IQCK: variants seen among roughly 807,000 people sequenced by gnomAD.
The protein encoded by IQCK is IQ domain-containing protein K.
Under a neutral mutation model 28.1 loss-of-function variants are expected in IQCK, and 29 were observed. That is an observed-to-expected ratio of 1.03 (90% CI 0.77 to 1.41). IQCK has a LOEUF of 1.41. IQCK is among the 40% of genes most tolerant of loss of function. IQCK has a pLI of 0.00. For missense variants in IQCK, 359 were observed against 314.7 expected (o/e 1.14, Z -1.07); for synonymous variants, 113 against 115.1 (o/e 0.98, Z 0.12).
chr16:19,839,101 A>G (rs999193678), intron 9 of IQCK, among the ~76,000 whole-genome samples: 4 of 151,248 alleles, frequency 2.6e-5, no homozygotes, highest in Non-Finnish European at 4.4e-5. Context: ...AGGTTAAATC[A>G]TTCACCTTTG....
At chr16:19,738,611 A>G (rs911599850) in intron 4 of IQCK, among the ~76,000 whole-genome samples, 1 of 152,156 alleles carries the variant, frequency 6.6e-6, no homozygotes, top group East Asian at 1.9e-4. Context: ...GAGGCTGATC[A>G]TAGCACCTGC....
intron 6 of IQCK, among the ~76,000 whole-genome samples, chr16:19,772,527 A>C (rs967957373): frequency 6.6e-6 from 1 of 152,222 alleles, no homozygotes; most frequent in Non-Finnish European, 1.5e-5. Flanking sequence ...CTTTTCAGAG[A>C]AACATGCCAA....
chr16:19,749,990 C>CA (rs1445327991), intron 4 of IQCK, among the ~76,000 whole-genome samples: 7 of 152,160 alleles, frequency 4.6e-5, no homozygotes, highest in Non-Finnish European at 2.9e-5. Flanking sequence ...AATAGGGCCT[C>CA]ATTCCACCTC....
chr16:19,736,113 T>A (rs1448345835), intron 4 of IQCK: 2 of 455,712 alleles, frequency 4.4e-6, no homozygotes, highest in Non-Finnish European at 8.8e-6. Context: ...TGGCTCTAGA[T>A]TGATTGTTCC....
intron 4 of IQCK, among the ~76,000 whole-genome samples, chr16:19,758,244 C>T (rs980028360): frequency 6.6e-6 from 1 of 152,182 alleles, no homozygotes; most frequent in African/African-American, 2.4e-5. Flanking sequence ...TCTCTTTCAG[C>T]TCCTCAGCAG....
At chr16:19,755,491 C>T (rs1424797190) in intron 4 of IQCK, among the ~76,000 whole-genome samples, 1 of 152,142 alleles carries the variant, frequency 6.6e-6, no homozygotes, top group African/African-American at 2.4e-5. Flanking sequence ...TAGAGACAAC[C>T]TTAAAGGCAG....
chr16:19,722,673 A>T lies in IQCK; in HGVS notation c.181+4186A>T, dbSNP rs1426994851. On this transcript the variant is annotated intron_variant, in intron 1 of 7. Transcript: ENST00000564186. ...ACGCCAACAACTTATCTCCATCTCCACGAATGTTACCATCGTTCACTCAGC... is the reference window on the plus strand; with the variant it reads ...ACGCCAACAACTTATCTCCATCTCCTCGAATGTTACCATCGTTCACTCAGC... Among the ~76,000 whole-genome samples, 5 of 149,086 alleles carry T rather than the reference A, an allele frequency of 3.4e-5. No individual in the cohort carries two copies. The East Asian group carries it at 9.9e-4, about 29-fold the overall frequency.
intron 4 of IQCK, among the ~76,000 whole-genome samples, chr16:19,745,184 C>CATATT (rs2054892802): frequency 6.6e-6 from 1 of 152,194 alleles, no homozygotes; most frequent in Non-Finnish European, 1.5e-5. Flanking sequence ...TTTGACCCTG[C>CATATT]TGCATCGTCT....
chr16:19,785,758 C>G (rs999373403), intron 6 of IQCK, among the ~76,000 whole-genome samples: 1 of 152,296 alleles, frequency 6.6e-6, no homozygotes, highest in East Asian at 1.9e-4. Flanking sequence ...AGGGAAACTT[C>G]TAGGGGGTAT....
chr16:19,850,248 C>G (rs1355961485), intron 9 of IQCK, among the ~76,000 whole-genome samples: 2 of 152,132 alleles, frequency 1.3e-5, no homozygotes, highest in Non-Finnish European at 2.9e-5. Context: ...GTTGTGAGAT[C>G]TTGACCCTGT....
At chr16:19,785,497 G>A (rs1314923441) in intron 6 of IQCK, among the ~76,000 whole-genome samples, 2 of 152,132 alleles carry the variant, frequency 1.3e-5, no homozygotes, top group African/African-American at 2.4e-5. Flanking sequence ...AACTTTCCAC[G>A]CCTAAGTAAC....
At chr16:19,828,877 T>A (rs1451795775), downstream of IQCK, among the ~76,000 whole-genome samples, 16 of 140,860 alleles carry the variant, frequency 1.1e-4, no homozygotes, top group African/African-American at 4.0e-4. Context: ...TATATAAATA[T>A]ATATATAAAA....
At chr16:19,728,111 C>T (rs565687360) in intron 1 of IQCK, among the ~76,000 whole-genome samples, 63 of 152,092 alleles carry the variant, frequency 4.1e-4, no homozygotes, top group South Asian at 1.5e-3. Context: ...GATTCTCCTG[C>T]TGCCCTTGAA....
At chr16:19,769,526 A>G (rs1280467156) in intron 6 of IQCK, among the ~76,000 whole-genome samples, 1 of 152,194 alleles carries the variant, frequency 6.6e-6, no homozygotes, top group Admixed American at 6.5e-5. Context: ...AAGATGGGAG[A>G]AGAGACAGGA....
intron 9 of IQCK, among the ~76,000 whole-genome samples, chr16:19,850,123 A>G (rs2056464592): frequency 6.6e-6 from 1 of 152,198 alleles, no homozygotes. Flanking sequence ...TTGGGCATTT[A>G]GGTTGTTCTC....
chr16:19,777,278 A>G, intron 6 of IQCK, among the ~76,000 whole-genome samples: 1 of 152,144 alleles, frequency 6.6e-6, no homozygotes, highest in East Asian at 1.9e-4. Context: ...TGAAAACAAA[A>G]GTGTCACTGT....
chr16:19,739,933 A>G (rs942263007), intron 4 of IQCK, among the ~76,000 whole-genome samples: 1 of 152,158 alleles, frequency 6.6e-6, no homozygotes, highest in Admixed American at 6.5e-5. Context: ...CTTCTTTTTC[A>G]TCACCTCCCT....
chr16:19,759,162 A>C (rs1044832881), intron 4 of IQCK, among the ~76,000 whole-genome samples: 1 of 152,168 alleles, frequency 6.6e-6, no homozygotes, highest in Admixed American at 6.6e-5. Context: ...TTTACTCAAC[A>C]GGGACTGCTC....
chr16:19,742,035 A>G (rs2054843152), intron 4 of IQCK, among the ~76,000 whole-genome samples: 2 of 152,162 alleles, frequency 1.3e-5, no homozygotes, highest in African/African-American at 4.8e-5. Context: ...AGAGTGGAGA[A>G]GCTTGAAAGG....
Sources: allele counts gnomAD v4.1 joint callset (sites outside exome capture counted in the v4.1 genomes callset), GRCh38; gene constraint gnomAD v4.1.1; transcripts MANE v1.5; gene names NCBI Gene and HGNC (gene_info 2026-07-23, HGNC 2026-07-21).